The following CNTN6 variants were observed in gnomAD, a reference collection of about 807,000 sequenced individuals.
CNTN6 encodes contactin 6.
CNTN6 carries 137 observed loss-of-function variants against 122.8 expected under a neutral mutation model. The ratio of observed to expected loss-of-function variants is 1.12; its 90% CI spans 0.97 to 1.29. The LOEUF (loss-of-function observed/expected upper bound fraction) is 1.29. CNTN6 is among the 50% of genes most tolerant of loss of function. The pLI is 0.00. For synonymous variants in CNTN6, 570 were observed against 426.0 expected (o/e 1.34, Z -4.16); for missense variants, 1,634 against 1,223.4 (o/e 1.34, Z -5.01).
intron 2 of CNTN6, among the ~76,000 whole-genome samples, chr3:1,217,830 C>T (rs2094149281): frequency 6.6e-6 from 1 of 152,166 alleles, no homozygotes; most frequent in Non-Finnish European, 1.5e-5. Context: ...ATTCTCCTGC[C>T]TTTTCAGTGC....
At chr3:1,307,758 C>T (rs1698590723) in intron 7 of CNTN6, among the ~76,000 whole-genome samples, 2 of 152,008 alleles carry the variant, frequency 1.3e-5, no homozygotes, top group African/African-American at 4.8e-5. Context: ...TTGTAGGCTG[C>T]CCCTCTGTTA....
At chr3:1,307,479 AC>A (rs1333788462) in intron 7 of CNTN6, among the ~76,000 whole-genome samples, 4 of 145,708 alleles carry the variant, frequency 2.7e-5, no homozygotes, top group Non-Finnish European at 6.0e-5. Flanking sequence ...TAACCCCCCC[AC>A]ACACAATTTC....
intron 2 of CNTN6, among the ~76,000 whole-genome samples, chr3:1,168,079 T>C (rs2093291408): frequency 6.6e-6 from 1 of 151,900 alleles, no homozygotes; most frequent in African/African-American, 2.4e-5. Context: ...GGGTAGTTTT[T>C]GTATTTTTAG....
intron 2 of CNTN6, among the ~76,000 whole-genome samples, chr3:1,213,063 G>C (rs1261743353): frequency 6.6e-6 from 1 of 152,130 alleles, no homozygotes; most frequent in African/African-American, 2.4e-5. Context: ...AATGGGAACA[G>C]AAATGTGCAT....
chr3:1,136,430 T>G (rs930704059), intron 1 of CNTN6, among the ~76,000 whole-genome samples: 1 of 152,168 alleles, frequency 6.6e-6, no homozygotes, highest in Non-Finnish European at 1.5e-5. Context: ...TCATGGAAGT[T>G]TGGGAAACAG....
intron 2 of CNTN6, among the ~76,000 whole-genome samples, chr3:1,159,727 A>C (rs562419515): frequency 1.1e-4 from 16 of 152,214 alleles, no homozygotes; most frequent in African/African-American, 3.6e-4. Flanking sequence ...TCACATTGGA[A>C]TCACTTGAGG....
intron 19 of CNTN6, among the ~76,000 whole-genome samples, chr3:1,385,353 ATACTT>A (rs148530215): frequency 0.019 from 2,936 of 152,272 alleles, 103 homozygotes; most frequent in African/African-American, 0.067. Flanking sequence ...AGCTCATAAA[ATACTT>A]TATTTTGGTA....
chr3:1,318,285 A>G (rs543115518), intron 7 of CNTN6, among the ~76,000 whole-genome samples: 115 of 149,306 alleles, frequency 7.7e-4, no homozygotes, highest in Non-Finnish European at 1.3e-3. Flanking sequence ...TATGTTCACA[A>G]TTCATGGTTT....
At chr3:1,235,688 A>T (rs938403192) in intron 4 of CNTN6, among the ~76,000 whole-genome samples, 1 of 152,156 alleles carries the variant, frequency 6.6e-6, no homozygotes, top group Non-Finnish European at 1.5e-5. Context: ...GGAACATACC[A>T]GGAAAGCCGA....
chr3:1,264,591 A>G (rs1204214998), intron 4 of CNTN6, among the ~76,000 whole-genome samples: 10 of 151,940 alleles, frequency 6.6e-5, no homozygotes, highest in Non-Finnish European at 1.5e-4. Flanking sequence ...TTAATTAACT[A>G]ATAATAATTG....
In CNTN6 at chr3:1,103,688, C is replaced by A. The variant is rs1402471401; in HGVS notation, c.-83+10568C>A. On this transcript the variant is annotated intron_variant, in intron 1 of 22. Coordinates refer to ENST00000446702, the MANE Select transcript of CNTN6 (RefSeq NM_001289080.2). The stretch of plus-strand genomic sequence containing the variant: ...AGCAGTTTTTAAGAAATTACACACA[C>A]AAGACACAATGCCTGAGCCAATTGC... Among the ~76,000 whole-genome samples, 8 of 152,160 alleles carry A rather than the reference C, an allele frequency of 5.3e-5. No individual in the cohort carries two copies. The South Asian group carries it at 8.3e-4, about 16-fold the overall frequency.
intron 7 of CNTN6, among the ~76,000 whole-genome samples, chr3:1,300,541 G>T (rs1313003433): frequency 0.018 from 2,293 of 129,146 alleles, 90 homozygotes; most frequent in African/African-American, 0.057. Context: ...GAAAGAGAGA[G>T]AAAGAAAGAG....
chr3:1,193,994 G>T (rs1312396765), intron 2 of CNTN6, among the ~76,000 whole-genome samples: 2 of 152,026 alleles, frequency 1.3e-5, no homozygotes, highest in African/African-American at 4.8e-5. Flanking sequence ...CAAAGCATGT[G>T]TTATCCTTAT....
At chr3:1,277,646 C>T (rs1341655825) in intron 4 of CNTN6, among the ~76,000 whole-genome samples, 1 of 151,966 alleles carries the variant, frequency 6.6e-6, no homozygotes, top group African/African-American at 2.4e-5. Flanking sequence ...CAGGAGTGAG[C>T]CACCACACCC....
intron 2 of CNTN6, among the ~76,000 whole-genome samples, chr3:1,160,742 T>C (rs1284373951): frequency 1.3e-5 from 2 of 151,912 alleles, no homozygotes; most frequent in Admixed American, 1.3e-4. Flanking sequence ...TAAATTTGCA[T>C]AATTCTCATT....
At chr3:1,208,289 C>T (rs2093985109) in intron 2 of CNTN6, among the ~76,000 whole-genome samples, 1 of 151,940 alleles carries the variant, frequency 6.6e-6, no homozygotes. Context: ...GCCATTCCAT[C>T]TTTTTATTTC....
chr3:1,127,336 G>T (rs2092199524), intron 1 of CNTN6, among the ~76,000 whole-genome samples: 1 of 151,718 alleles, frequency 6.6e-6, no homozygotes, highest in Non-Finnish European at 1.5e-5. Flanking sequence ...TTACATAATG[G>T]ACAAAAGGAT....
intron 7 of CNTN6, among the ~76,000 whole-genome samples, chr3:1,311,094 C>T (rs551974649): frequency 6.7e-6 from 1 of 149,050 alleles, no homozygotes; most frequent in East Asian, 2.0e-4. Context: ...TAAAGCAAAA[C>T]AAATACATAC....
intron 20 of CNTN6, among the ~76,000 whole-genome samples, chr3:1,392,776 C>A (rs1278290145): frequency 7.2e-6 from 1 of 138,692 alleles, no homozygotes; most frequent in African/African-American, 2.7e-5. Context: ...CAAAAGAAGA[C>A]ATTTATGCAG....
Sources: allele counts gnomAD v4.1 joint callset (sites outside exome capture counted in the v4.1 genomes callset), GRCh38; gene constraint gnomAD v4.1.1; transcripts MANE v1.5; gene names NCBI Gene and HGNC (gene_info 2026-07-23, HGNC 2026-07-21).